CC2D2A: variants seen among roughly 807,000 people sequenced by gnomAD.
The protein encoded by CC2D2A is coiled-coil and C2 domain-containing protein 2A.
In CC2D2A, 155 loss-of-function variants were observed where a neutral mutation model predicts 212.9. The observed-to-expected ratio is 0.73, with a 90% CI of 0.64 to 0.83. The LOEUF is 0.83. CC2D2A is among the 40% of genes least tolerant of loss of function. The probability of loss-of-function intolerance (pLI) is 0.00; values close to 1 mark genes in which losing one functional copy is unlikely to be tolerated. For missense variants in CC2D2A, 1,856 were observed against 1,956.2 expected (o/e 0.95, Z 0.97); for synonymous variants, 667 against 686.5 (o/e 0.97, Z 0.44).
chr4:15,597,362 CTG>C, intron 34 of CC2D2A, 43 bp from the exon 35 acceptor site: 1 of 1,318,436 alleles, frequency 7.6e-7, no homozygotes, highest in Non-Finnish European at 1.1e-6. Context: ...TTCAAATTAA[CTG>C]TAGGTGATTT....
At chr4:15,494,272 T>C (rs1313583190) in intron 4 of CC2D2A, among the ~76,000 whole-genome samples, 9 of 152,168 alleles carry the variant, frequency 5.9e-5, no homozygotes. Flanking sequence ...CAAGGGGCAC[T>C]GGGCAGGGCC....
intron 6 of CC2D2A, among the ~76,000 whole-genome samples, chr4:15,506,907 A>G (rs1263719821): frequency 6.6e-6 from 1 of 151,252 alleles, no homozygotes; most frequent in Non-Finnish European, 1.5e-5. Flanking sequence ...CCCCATCTCT[A>G]CTAAAAATAC....
At chr4:15,545,434 C>T (rs1718661314) in intron 17 of CC2D2A, among the ~76,000 whole-genome samples, 1 of 152,020 alleles carries the variant, frequency 6.6e-6, no homozygotes, top group South Asian at 2.1e-4. Flanking sequence ...TACAGAGGGG[C>T]ACATAGGACC....
At chr4:15,543,435 T>G (rs1230104899) in intron 17 of CC2D2A, 2 of 152,192 alleles carry the variant, frequency 1.3e-5, no homozygotes, top group African/African-American at 4.8e-5. Flanking sequence ...GGAGGTTTGG[T>G]GAAAACCTGA....
chr4:15,483,089 G>C (rs963323448), intron 4 of CC2D2A, among the ~76,000 whole-genome samples: 1 of 152,228 alleles, frequency 6.6e-6, no homozygotes, highest in Non-Finnish European at 1.5e-5. Flanking sequence ...TGGAGCATAT[G>C]GTGGATAAGG....
chr4:15,586,393 T>C, intron 31 of CC2D2A, 147 bp downstream of exon 31: 1 of 479,058 alleles, frequency 2.1e-6, no homozygotes, highest in Non-Finnish European at 3.6e-6. Flanking sequence ...TTTTGAAGTA[T>C]TTTTTCTTCC....
intron 30 of CC2D2A, among the ~76,000 whole-genome samples, 168 bp from the exon 31 acceptor site, chr4:15,585,989 A>G (rs1443078703): frequency 6.6e-6 from 1 of 152,238 alleles, no homozygotes; most frequent in African/African-American, 2.4e-5. Context: ...AACCTTCCAT[A>G]TAGGATGTTT....
intron 3 of CC2D2A, chr4:15,479,456 C>T (rs2108971357): frequency 3.9e-6 from 3 of 769,164 alleles, no homozygotes; most frequent in East Asian, 2.7e-5. Flanking sequence ...CCATTTTGAG[C>T]CAGCAGTCAC....
chr4:15,568,707 T>C (rs1273025437), intron 26 of CC2D2A, among the ~76,000 whole-genome samples: 1 of 152,170 alleles, frequency 6.6e-6, no homozygotes, highest in Admixed American at 6.5e-5. Context: ...AAAATACACC[T>C]ATTACCCCAG....
At position 15,589,574 on chromosome 4, in the gene CC2D2A, G is replaced by T. The variant is rs751624828; in HGVS notation, c.4209G>T (p.Glu1403Asp). ...EGPTAYVLTW[E>D]QGRYLIWNPC... ...CAACTGCCTATGTGCTAACTTGGGA[G>T]CAAGGTCGTTATTTAATATGGAATC... The change falls in exon 33 of 37, where the codon GAG (glutamate) becomes GAT (aspartate). Residue 1403 changes from glutamate to aspartate, a missense_variant. Transcript: ENST00000424120. 8.1e-6 allele frequency: 13 copies of T among 1,612,338 alleles called. No individual in the cohort carries two copies. Among genetic ancestry groups the T allele is most frequent in the Admixed American group, 1.7e-5 (1 of 59,860 alleles).
At chr4:15,541,132 C>T in intron 17 of CC2D2A, 118 bp downstream of exon 17, 2 of 714,018 alleles carry the variant, frequency 2.8e-6, no homozygotes, top group Non-Finnish European at 4.3e-6. Context: ...GCCAACATGG[C>T]AAAACCACAT....
chr4:15,522,769 C>T (rs1717281932), intron 11 of CC2D2A, among the ~76,000 whole-genome samples: 1 of 152,016 alleles, frequency 6.6e-6, no homozygotes, highest in Admixed American at 6.6e-5. Context: ...GCAGGTAAAA[C>T]ATAAACAATA....
chr4:15,543,417 T>C (rs1560174511), intron 17 of CC2D2A, among the ~76,000 whole-genome samples: 1 of 152,036 alleles, frequency 6.6e-6, no homozygotes, highest in Non-Finnish European at 1.5e-5. Context: ...AGAAAGGGGA[T>C]TGGAGTTGGA....
intron 23 of CC2D2A, among the ~76,000 whole-genome samples, chr4:15,562,173 C>T (rs1719638050): frequency 6.6e-6 from 1 of 152,210 alleles, no homozygotes; most frequent in South Asian, 2.1e-4. Flanking sequence ...TAGACAGGAG[C>T]TGCAGAGACC....
intron 30 of CC2D2A, among the ~76,000 whole-genome samples, chr4:15,581,892 GA>G (rs1005861067): frequency 1.3e-5 from 2 of 151,692 alleles, no homozygotes; most frequent in African/African-American, 4.8e-5. Flanking sequence ...AAATTCCACA[GA>G]AAAAAATTCC....
Position 15,601,388 on chromosome 4 carries a change from T to C in CC2D2A, c.4826T>C (p.Val1609Ala), listed in dbSNP as rs561603400. ...IHPYPKNVLS[V>A]WIYVASLIRN... is the part of the protein sequence containing the mutation. ...CCATACCCCAAAAATGTTTTGTCTG[T>C]TTGGATCTATGTTGCCTCTCTTATA... Residue 1609 changes from valine to alanine, a missense_variant, in exon 37 of 37, where the codon GTT becomes GCT. Physicochemically the swap from Val to Ala is moderately conservative, Grantham distance 64. Transcript: ENST00000424120. 6.4e-7 allele frequency: 1 copy of C among 1,572,390 alleles called. No homozygotes were observed. The highest frequency in any genetic ancestry group is 2.3e-5 in the East Asian group (1 of 44,126).
rs779245267 is a variant in CC2D2A, at chr4:15,511,401, C to A, written c.695C>A (p.Ala232Glu). 4 of 1,549,192 alleles carry A rather than the reference C, an allele frequency of 2.6e-6. No individual in the cohort carries two copies. The highest frequency in any genetic ancestry group is 4.4e-5 in the Admixed American group (2 of 45,006). The change falls in exon 8 of 37, where the codon GCA becomes GAA. Residue 232 changes from alanine (A) to glutamate (E), a missense_variant. Transcript: ENST00000424120. ...GAAGGGGAAGAAGAAGAACCACCTG[C>A]ACAAGGAGGAGGAAAGGAAATGGTA... ...EEEGEEEEPP[A>E]QGGGKEMDEE...
intron 26 of CC2D2A, among the ~76,000 whole-genome samples, chr4:15,568,390 T>C (rs1409780576): frequency 4.6e-5 from 7 of 152,184 alleles, no homozygotes; most frequent in Non-Finnish European, 8.8e-5. Flanking sequence ...AGGCCGAGCA[T>C]GGTGGCTCAC....
chr4:15,541,146 T>G, intron 17 of CC2D2A, 132 bp downstream of exon 17: 25 of 607,638 alleles, frequency 4.1e-5, no homozygotes, highest in Non-Finnish European at 6.0e-5. Context: ...ACCACATCTC[T>G]ACTGTAAATA....
Sources: allele counts gnomAD v4.1 joint callset (sites outside exome capture counted in the v4.1 genomes callset), GRCh38; gene constraint gnomAD v4.1.1; transcripts MANE v1.5; gene names NCBI Gene and HGNC (gene_info 2026-07-23, HGNC 2026-07-21).